NSMCE2: variants seen among roughly 807,000 people sequenced by gnomAD.
NSMCE2 encodes E3 SUMO-protein ligase NSE2.
NSMCE2 carries 24 observed loss-of-function variants against 23.8 expected under a neutral mutation model. The ratio of observed to expected loss-of-function variants is 1.01; its 90% CI spans 0.73 to 1.42. The LOEUF is 1.42. NSMCE2 is among the 40% of genes most tolerant of loss of function. The probability of loss-of-function intolerance (pLI) is 0.00; values close to 1 mark genes in which losing one functional copy is unlikely to be tolerated. For missense variants in NSMCE2, 284 were observed against 296.5 expected, an observed-to-expected ratio of 0.96 and a Z score of 0.31; for synonymous variants, 92 against 94.1, an observed-to-expected ratio of 0.98 and a Z score of 0.13.
chr8:125,270,177 T>G (rs552993533), intron 5 of NSMCE2, among the ~76,000 whole-genome samples: 1 of 152,002 alleles, frequency 6.6e-6, no homozygotes, highest in Non-Finnish European at 1.5e-5. Context: ...TACTAAAGAA[T>G]CTGAAAGGTC....
chr8:125,359,322 CTCTT>C (rs947244990), intron 7 of NSMCE2, among the ~76,000 whole-genome samples: 6 of 138,842 alleles, frequency 4.3e-5, no homozygotes, highest in East Asian at 4.2e-4. Context: ...TGCTTTCTTG[CTCTT>C]TCTCTTTTTT....
chr8:125,332,955 T>C (rs1829931609), intron 5 of NSMCE2, among the ~76,000 whole-genome samples: 1 of 152,182 alleles, frequency 6.6e-6, no homozygotes, highest in Non-Finnish European at 1.5e-5. Context: ...AGGGATAAGA[T>C]GATCTAATCA....
intron 5 of NSMCE2, among the ~76,000 whole-genome samples, chr8:125,189,110 G>T (rs1237596670): frequency 6.6e-6 from 1 of 152,226 alleles, no homozygotes; most frequent in African/African-American, 2.4e-5. Context: ...AGGTATAACT[G>T]TTGTTAGAAA....
intron 5 of NSMCE2, among the ~76,000 whole-genome samples, chr8:125,283,159 C>T (rs1460980963): frequency 1.3e-5 from 2 of 152,156 alleles, no homozygotes; most frequent in African/African-American, 2.4e-5. Flanking sequence ...CTATATAAAG[C>T]TCTTAGCACA....
intron 5 of NSMCE2, among the ~76,000 whole-genome samples, chr8:125,255,049 G>A (rs1290169990): frequency 2.6e-5 from 4 of 151,958 alleles, no homozygotes; most frequent in Non-Finnish European, 4.4e-5. Context: ...ACCTAGCAGC[G>A]TCCACTTCCT....
intron 5 of NSMCE2, among the ~76,000 whole-genome samples, chr8:125,236,509 T>C (rs1432854493): frequency 1.3e-5 from 2 of 152,208 alleles, no homozygotes; most frequent in South Asian, 4.2e-4. Context: ...AATGTGTTTA[T>C]GTTGGGAATG....
chr8:125,237,152 C>T (rs1825590386), intron 5 of NSMCE2, among the ~76,000 whole-genome samples: 2 of 152,156 alleles, frequency 1.3e-5, no homozygotes, highest in Non-Finnish European at 2.9e-5. Flanking sequence ...CCATGTGGTG[C>T]CCCTCTTGAT....
At chr8:125,232,363 C>CA (rs35856259) in intron 5 of NSMCE2, among the ~76,000 whole-genome samples, 10,191 of 139,442 alleles carry the variant, frequency 0.073, 427 homozygotes, top group South Asian at 0.16. Context: ...AACTCCGTCT[C>CA]AAAAAAAAAA....
intron 4 of NSMCE2, among the ~76,000 whole-genome samples, chr8:125,152,387 T>C (rs1015044347): frequency 6.6e-6 from 1 of 152,204 alleles, no homozygotes; most frequent in African/African-American, 2.4e-5. Flanking sequence ...TTCTGAACTC[T>C]CAGAGATTCT....
At chr8:125,110,241 G>C (rs1818661894) in intron 3 of NSMCE2, among the ~76,000 whole-genome samples, 1 of 152,198 alleles carries the variant, frequency 6.6e-6, no homozygotes, top group Non-Finnish European at 1.5e-5. Context: ...CTACAAAAAT[G>C]TATGTGCATG....
At chr8:125,129,484 T>A (rs1487938074) in intron 3 of NSMCE2, among the ~76,000 whole-genome samples, 5 of 151,996 alleles carry the variant, frequency 3.3e-5, no homozygotes, top group African/African-American at 1.2e-4. Context: ...TTTGCCACCC[T>A]GCAACCCAGG....
intron 5 of NSMCE2, chr8:125,348,531 G>T (rs1444640152): frequency 6.6e-6 from 1 of 152,106 alleles, no homozygotes; most frequent in African/African-American, 2.4e-5. Flanking sequence ...ATCTCATCTT[G>T]AATTGTAGCT....
At chr8:125,247,019 A>AT (rs576858587) in intron 5 of NSMCE2, among the ~76,000 whole-genome samples, 10,679 of 147,166 alleles carry the variant, frequency 0.073, 404 homozygotes, top group African/African-American at 0.094. Context: ...TAAATTCTGT[A>AT]TTTTTTTTTT....
chr8:125,233,186 C>T (rs1336231079), intron 5 of NSMCE2, among the ~76,000 whole-genome samples: 1 of 152,166 alleles, frequency 6.6e-6, no homozygotes, highest in African/African-American at 2.4e-5. Flanking sequence ...GTAATTTAGA[C>T]TTTGGGAATA....
At chr8:125,244,877 T>C (rs1401860539) in intron 5 of NSMCE2, among the ~76,000 whole-genome samples, 4 of 152,210 alleles carry the variant, frequency 2.6e-5, no homozygotes, top group Admixed American at 2.6e-4. Context: ...TGCTCAAAGC[T>C]TAAACTAATA....
intron 5 of NSMCE2, among the ~76,000 whole-genome samples, chr8:125,244,269 A>G (rs961983073): frequency 1.3e-5 from 2 of 152,186 alleles, no homozygotes; most frequent in African/African-American, 4.8e-5. Context: ...AGGATAAAGA[A>G]AGTTCAAAGT....
intron 3 of NSMCE2, among the ~76,000 whole-genome samples, chr8:125,144,662 A>T (rs1820573906): frequency 1.3e-5 from 2 of 152,210 alleles, no homozygotes; most frequent in African/African-American, 4.8e-5. Flanking sequence ...TTCCTTTCTT[A>T]GACGATCCTT....
chr8:125,207,028 A>G (rs899865718), intron 5 of NSMCE2, among the ~76,000 whole-genome samples: 23 of 152,180 alleles, frequency 1.5e-4, no homozygotes, highest in Non-Finnish European at 2.2e-4. Flanking sequence ...TGAATTTCCT[A>G]TTACCAAGGA....
chr8:125,208,630 A>G (rs1230786727), intron 5 of NSMCE2, among the ~76,000 whole-genome samples: 1 of 152,208 alleles, frequency 6.6e-6, no homozygotes, highest in Admixed American at 6.5e-5. Context: ...ATAGGAGGAG[A>G]CAAATGATTG....
Sources: gnomAD v4.1 joint callset for allele counts (sites outside exome capture counted in the v4.1 genomes callset) on GRCh38, gnomAD v4.1.1 for gene constraint, MANE v1.5 for transcripts, NCBI Gene and HGNC (gene_info 2026-07-23, HGNC 2026-07-21) for gene names.